Variants in VWA5B1 observed in about 807,000 individuals in gnomAD.
The protein encoded by VWA5B1 is von Willebrand factor A domain containing 5B1.
Under a neutral mutation model 118.2 loss-of-function variants are expected in VWA5B1, and 115 were observed. The observed-to-expected ratio is 0.97, with a 90% confidence interval of 0.84 to 1.14. VWA5B1 has a LOEUF of 1.14. Among genes scored for constraint, VWA5B1 ranks in the 50% most tolerant of loss-of-function variants. The pLI is 0.00. For synonymous variants in VWA5B1, 682 were observed against 658.4 expected (o/e 1.04, Z -0.55); for missense variants, 1,596 against 1,603.8 (o/e 1.00, Z 0.08).
intron 21 of VWA5B1, 53 bp downstream of exon 21, chr1:20,352,225 G>T: frequency 7.2e-7 from 1 of 1,388,476 alleles, no homozygotes; most frequent in East Asian, 2.6e-5. Context: ...TCAGCAGCAG[G>T]GCCTTCCTGT....
chr1:20,344,248 C>T (rs1311381367), intron 16 of VWA5B1, among the ~76,000 whole-genome samples: 1 of 151,958 alleles, frequency 6.6e-6, no homozygotes, highest in East Asian at 2.0e-4. Flanking sequence ...GCCCCATTTC[C>T]CAGTGCTTCT....
chr1:20,341,144 T>C (rs1470544857), intron 14 of VWA5B1, among the ~76,000 whole-genome samples: 3 of 152,248 alleles, frequency 2.0e-5, no homozygotes, highest in African/African-American at 4.8e-5. Flanking sequence ...TTTTCAATGT[T>C]GTGTGACGTT....
At chr1:20,331,399 AATCT>A (rs1228712081) in intron 11 of VWA5B1, among the ~76,000 whole-genome samples, 1 of 152,242 alleles carries the variant, frequency 6.6e-6, no homozygotes, top group Non-Finnish European at 1.5e-5. Context: ...TGACACGAAT[AATCT>A]AACCCTTAGA....
intron 20 of VWA5B1, among the ~76,000 whole-genome samples, chr1:20,351,581 G>A (rs1230429687): frequency 1.3e-5 from 2 of 152,176 alleles, no homozygotes; most frequent in African/African-American, 2.4e-5. Context: ...GGACCCGGGA[G>A]GCAGAGGTTG....
chr1:20,348,216 C>A, intron 17 of VWA5B1, 29 bp from the exon 18 acceptor site: 3 of 1,546,010 alleles, frequency 1.9e-6, no homozygotes, highest in South Asian at 1.2e-5. Flanking sequence ...TTGTACCCAA[C>A]CACCCGCTTC....
intron 1 of VWA5B1, among the ~76,000 whole-genome samples, chr1:20,300,162 A>G (rs901024912): frequency 6.6e-6 from 1 of 152,214 alleles, no homozygotes; most frequent in African/African-American, 2.4e-5. Flanking sequence ...AGTGAGGATG[A>G]GCTGCTTCAT....
At chr1:20,319,864 C>T (rs2089152204) in intron 7 of VWA5B1, among the ~76,000 whole-genome samples, 1 of 152,196 alleles carries the variant, frequency 6.6e-6, no homozygotes, top group South Asian at 2.1e-4. Flanking sequence ...TCCTGGACCT[C>T]CCTTACCCAC....
At position 20,327,638 on chromosome 1, in the gene VWA5B1, TGAC is replaced by T. The variant is rs199704001; in HGVS notation, c.1144-240_1144-238del. The stretch of plus-strand genomic sequence containing the variant: ...GCTACATGGATAAGTTTGATGATGA[TGAC>T]GACGACGACGATGATGATGATGATG... On this transcript the variant is annotated intron_variant, in intron 8 of 21. Coordinates refer to ENST00000289815, the MANE Select transcript of VWA5B1 (RefSeq NM_001039500.3). Among the ~76,000 whole-genome samples, 860 of 150,552 alleles carry T rather than the reference TGAC, an allele frequency of 5.7e-3. 7 individuals carry two copies. Among genetic ancestry groups the T allele is most frequent in the African/African-American group, 0.018 (738 of 40,912 alleles).
chr1:20,326,671 G>A (rs569295501), intron 8 of VWA5B1, among the ~76,000 whole-genome samples: 27 of 152,054 alleles, frequency 1.8e-4, no homozygotes, highest in Non-Finnish European at 3.4e-4. Context: ...GGCTGGTCTC[G>A]AACTCCTGAC....
chr1:20,337,281 C>T (rs1372693861), intron 13 of VWA5B1, among the ~76,000 whole-genome samples: 1 of 152,102 alleles, frequency 6.6e-6, no homozygotes, highest in Admixed American at 6.5e-5. Flanking sequence ...GCGCATACCA[C>T]CATGCCTGGC....
intron 14 of VWA5B1, chr1:20,338,993 C>G (rs2089801862): frequency 6.6e-6 from 1 of 152,218 alleles, no homozygotes; most frequent in African/African-American, 2.4e-5. Flanking sequence ...GTTAGAGAGC[C>G]ACAGCTAGGC....
intron 18 of VWA5B1, chr1:20,349,196 C>CA (rs2090072149): frequency 4.4e-6 from 2 of 450,034 alleles, no homozygotes; most frequent in Middle Eastern, 3.3e-4. Context: ...TCTTCAGAAT[C>CA]AAAGTGTTCT....
At chr1:20,292,585 G>A (rs1003650027) in intron 1 of VWA5B1, among the ~76,000 whole-genome samples, 1 of 152,234 alleles carries the variant, frequency 6.6e-6, no homozygotes, top group African/African-American at 2.4e-5. Context: ...GGGTGCATGT[G>A]GGGGACACCC....
intron 16 of VWA5B1, 87 bp from the exon 17 acceptor site, chr1:20,345,369 G>A: frequency 1.3e-6 from 2 of 1,529,042 alleles, no homozygotes; most frequent in Non-Finnish European, 1.8e-6. Context: ...GACCACTTAG[G>A]TAGAGCCCCC....
intron 14 of VWA5B1, among the ~76,000 whole-genome samples, chr1:20,341,599 C>A (rs1044893969): frequency 6.6e-6 from 1 of 152,208 alleles, no homozygotes; most frequent in Non-Finnish European, 1.5e-5. Flanking sequence ...TTGCTATAAA[C>A]GGCCTGCAAA....
intron 8 of VWA5B1, among the ~76,000 whole-genome samples, chr1:20,326,449 A>G (rs1479211365): frequency 6.6e-6 from 1 of 152,012 alleles, no homozygotes; most frequent in East Asian, 1.9e-4. Context: ...AAAATCTCAG[A>G]ACTGTGGGGT....
chr1:20,308,530 A>C (rs769951262), intron 1 of VWA5B1, among the ~76,000 whole-genome samples: 1 of 152,126 alleles, frequency 6.6e-6, no homozygotes, highest in Non-Finnish European at 1.5e-5. Context: ...CTGTCAGGAA[A>C]TGAAGGCCGC....
rs1478075378 is a variant in VWA5B1 at position 20,355,780 on chromosome 1, C to T, written c.*1517C>T. Among the ~76,000 whole-genome samples, 1 of 152,234 alleles carries T rather than the reference C, an allele frequency of 6.6e-6. No individual in the cohort carries two copies. Among genetic ancestry groups the T allele is most frequent in the African/African-American group, 2.4e-5 (1 of 41,472 alleles). ...ACAAGGGGAGAAAAAGCAGCCCCAA[C>T]ATGATATGGTGCCCTGCCCCCCACC... On this transcript the variant is annotated 3_prime_UTR_variant, in exon 22 of 22. Coordinates refer to ENST00000289815, the MANE Select transcript of VWA5B1 (RefSeq NM_001039500.3).
At position 20,317,439 on chromosome 1, in the gene VWA5B1, C is replaced by A. The variant is rs2089050301; in HGVS notation, c.564-91C>A. The A allele has an allele frequency of 4.7e-6, 7 of 1,489,122 alleles. No homozygotes were observed. In the South Asian group the frequency reaches 9.6e-5, roughly 20 times the overall value. 92.2% of individuals were successfully genotyped at this position (1,489,122 alleles called of 1,614,324 possible). On this transcript the variant is annotated intron_variant, in intron 4 of 21. Transcript: ENST00000289815. ...GGGCCCCCTTGGTGGGCTGGGCTGCCTGGAACTCATCGTCCTCTCCTTGTC... is the reference window on the plus strand; with the variant it reads ...GGGCCCCCTTGGTGGGCTGGGCTGCATGGAACTCATCGTCCTCTCCTTGTC...
Sources: allele counts gnomAD v4.1 joint callset (sites outside exome capture counted in the v4.1 genomes callset), GRCh38; gene constraint gnomAD v4.1.1; transcripts MANE v1.5; gene names NCBI Gene and HGNC (gene_info 2026-07-23, HGNC 2026-07-21).